The following CYTIP variants were observed in gnomAD, a reference collection of about 807,000 sequenced individuals.
CYTIP encodes cytohesin-interacting protein.
Under a neutral mutation model 43.8 loss-of-function variants are expected in CYTIP, and 26 were observed. The observed-to-expected ratio is 0.59, with a 90% confidence interval of 0.44 to 0.82. The LOEUF is 0.82. CYTIP is among the 40% of genes least tolerant of loss of function. CYTIP has a pLI of 0.00. For synonymous variants in CYTIP, 162 were observed against 162.9 expected (o/e 0.99, Z 0.04); for missense variants, 426 against 443.1 (o/e 0.96, Z 0.35).
Position 157,444,069 on chromosome 2 carries a change from G to A in CYTIP, c.-49C>T. On this transcript the variant is annotated 5_prime_UTR_variant, in exon 1 of 8. Transcript: ENST00000264192. ...AGCACATGGTTGAGTGGCCTTGCAG[G>A]ATGGGGGAAGCTAAAAGTACAACTG... The A allele has an allele frequency of 6.4e-7, 1 of 1,573,792 alleles. No individual in the cohort carries two copies. Among genetic ancestry groups the A allele is most frequent in the Non-Finnish European group, 8.7e-7 (1 of 1,151,362 alleles).
At chr2:157,442,765 A>C (rs891348685) in intron 1 of CYTIP, among the ~76,000 whole-genome samples, 2 of 152,198 alleles carry the variant, frequency 1.3e-5, no homozygotes, top group African/African-American at 4.8e-5. Context: ...GCTATTATAC[A>C]TCACTGAAAA....
At chr2:157,433,037 T>G (rs1190563733) in intron 3 of CYTIP, among the ~76,000 whole-genome samples, 3 of 152,162 alleles carry the variant, frequency 2.0e-5, no homozygotes, top group African/African-American at 7.2e-5. Context: ...TAAGTGTTTA[T>G]GGTATGGGAG....
At chr2:157,439,013 G>A in intron 1 of CYTIP, 1 of 335,192 alleles carries the variant, frequency 3.0e-6, no homozygotes, top group Non-Finnish European at 6.7e-6. Context: ...CAGACCTGAA[G>A]CCTCTATAGA....
intron 1 of CYTIP, among the ~76,000 whole-genome samples, chr2:157,441,601 C>G (rs1685918055): frequency 3.0e-5 from 1 of 33,862 alleles, no homozygotes; most frequent in Non-Finnish European, 5.4e-5. Context: ...TATATATGCA[C>G]ATACACACAC....
intron 6 of CYTIP, among the ~76,000 whole-genome samples, chr2:157,425,733 T>A (rs1381046176): frequency 6.6e-6 from 1 of 152,188 alleles, no homozygotes; most frequent in Non-Finnish European, 1.5e-5. Context: ...GTGAAAAAGT[T>A]AAACTTTTTT....
chr2:157,436,968 G>A (rs1280446595), intron 1 of CYTIP, among the ~76,000 whole-genome samples: 1 of 151,986 alleles, frequency 6.6e-6, no homozygotes, highest in Non-Finnish European at 1.5e-5. Flanking sequence ...TATGTAGCAA[G>A]ATTTAAAAAT....
chr2:157,439,606 T>C (rs1331890428), intron 1 of CYTIP, among the ~76,000 whole-genome samples: 1 of 152,184 alleles, frequency 6.6e-6, no homozygotes, highest in Non-Finnish European at 1.5e-5. Context: ...AAATCATGAA[T>C]GAGGAACTGG....
chr2:157,438,104 C>T (rs1163518343), intron 1 of CYTIP, among the ~76,000 whole-genome samples: 1 of 152,134 alleles, frequency 6.6e-6, no homozygotes, highest in African/African-American at 2.4e-5. Flanking sequence ...TTCACAATAG[C>T]CAAGAGATGG....
At chr2:157,425,028 A>AAT (rs983364977) in intron 6 of CYTIP, among the ~76,000 whole-genome samples, 1 of 152,226 alleles carries the variant, frequency 6.6e-6, no homozygotes, top group South Asian at 2.1e-4. Context: ...CATACCTCAT[A>AAT]ATATATATAA....
Position 157,415,476 on chromosome 2 carries a change from T to A in CYTIP, c.*201A>T, listed in dbSNP as rs1685425013. 1.9e-6 allele frequency: 1 copy of A among 522,244 alleles called. No homozygotes were observed. The highest frequency in any genetic ancestry group is 3.5e-6 in the Non-Finnish European group (1 of 289,762). 32.4% of individuals were successfully genotyped at this position (522,244 alleles called of 1,614,324 possible). ...ATTAACTTATTATTTAGTTTTCCTG[T>A]CTGCTTAGAAATTGGCTGTTTAGGT... On this transcript the variant is annotated 3_prime_UTR_variant, in exon 8 of 8. Coordinates refer to ENST00000264192, the MANE Select transcript of CYTIP (RefSeq NM_004288.5).
rs1685418648 is a variant in CYTIP at position 157,415,042 on chromosome 2, CTT to C, written c.*633_*634del. ...TTGTTTAGACTGTCTATAAAAATGA[CTT>C]TATTATGATCTTTGCAGCACCCATC... is the stretch of plus-strand genomic sequence containing the variant. On this transcript the variant is annotated 3_prime_UTR_variant, in exon 8 of 8. Transcript: ENST00000264192. The C allele has an allele frequency of 6.6e-6, 1 of 152,166 alleles. No homozygotes were observed. The highest frequency in any genetic ancestry group is 2.4e-5 in the African/African-American group (1 of 41,440). 9.4% of individuals were successfully genotyped at this position (152,166 alleles called of 1,614,324 possible). A position where few individuals can be genotyped will look rare whatever the true frequency, so the allele number is the denominator to read the frequency against.
chr2:157,417,006 A>G (rs1270277874), intron 7 of CYTIP, among the ~76,000 whole-genome samples: 1 of 151,898 alleles, frequency 6.6e-6, no homozygotes, highest in Non-Finnish European at 1.5e-5. Flanking sequence ...AGAGAGAGAG[A>G]ACTTGTAATA....
At position 157,443,836 on chromosome 2, in the gene CYTIP, A is replaced by G; in HGVS notation, c.174+11T>C. 1 of 1,613,674 alleles carries G rather than the reference A, an allele frequency of 6.2e-7. No homozygotes were observed. The highest frequency in any genetic ancestry group is 1.1e-5 in the South Asian group (1 of 91,052). ...GTGAACACTCTAAAGGGTACAAAAT[A>G]GCAATCATACCTGCTTTCGTCCCCG... On this transcript the variant is annotated intron_variant, in intron 1 of 7. Coordinates refer to ENST00000264192, the MANE Select transcript of CYTIP (RefSeq NM_004288.5).
At chr2:157,437,894 G>A (rs1685838204) in intron 1 of CYTIP, among the ~76,000 whole-genome samples, 1 of 152,118 alleles carries the variant, frequency 6.6e-6, no homozygotes, top group Non-Finnish European at 1.5e-5. Flanking sequence ...TGAGGATAAG[G>A]AGAAAAGGGA....
rs149677188 is a variant in CYTIP, at chr2:157,416,067, T to C, written c.690A>G (p.Pro230=). 270 of 1,614,072 alleles carry C rather than the reference T, an allele frequency of 1.7e-4. No homozygotes were observed. Among genetic ancestry groups the C allele is most frequent in the Non-Finnish European group, 2.2e-4 (264 of 1,180,038 alleles). ...GATTCCGGTCCACAAGGGCTGGGCC[T>C]GGCCCAGGCAGGGGTCCAAACAAAG... The part of the protein sequence containing the change: ...ELSLFGPLPG[P]GPALVDRNRL... The change falls in exon 8 of 8, where the codon CCA becomes CCG. Residue 230 remains proline (P), a synonymous_variant. Transcript: ENST00000264192.
Position 157,444,087 on chromosome 2 carries a change from T to C in CYTIP, c.-67A>G, listed in dbSNP as rs538344140. ...CTTGCAGGATGGGGGAAGCTAAAAG[T>C]ACAACTGTGACAAGTAATCAAAAGT... On this transcript the variant is annotated 5_prime_UTR_variant, in exon 1 of 8. Coordinates refer to ENST00000264192, the MANE Select transcript of CYTIP (RefSeq NM_004288.5). 17 of 1,501,480 alleles carry C rather than the reference T, an allele frequency of 1.1e-5. No homozygotes were observed. Among genetic ancestry groups the C allele is most frequent in the Admixed American group, 1.8e-5 (1 of 56,418 alleles). The allele number at this position is 1,501,480 out of a possible 1,614,324, so 93.0% of individuals were successfully genotyped here. A position where few individuals can be genotyped will look rare whatever the true frequency, so the allele number is the denominator to read the frequency against.
intron 5 of CYTIP, 129 bp from the exon 6 acceptor site, chr2:157,427,549 G>T (rs940058344): frequency 1.9e-6 from 1 of 539,954 alleles, no homozygotes. Flanking sequence ...AAATACAAAT[G>T]TTACAGTTCT....
At chr2:157,437,329 T>C (rs1057390173) in intron 1 of CYTIP, among the ~76,000 whole-genome samples, 1 of 151,760 alleles carries the variant, frequency 6.6e-6, no homozygotes, top group Non-Finnish European at 1.5e-5. Context: ...ATCCAGAATA[T>C]ATAATGAACT....
intron 7 of CYTIP, among the ~76,000 whole-genome samples, chr2:157,418,313 G>A (rs913574088): frequency 6.6e-6 from 1 of 152,148 alleles, no homozygotes; most frequent in Non-Finnish European, 1.5e-5. Flanking sequence ...GTGCATCTGC[G>A]TCATGATACG....
Sources: allele counts gnomAD v4.1 joint callset (sites outside exome capture counted in the v4.1 genomes callset), GRCh38; gene constraint gnomAD v4.1.1; transcripts MANE v1.5; gene names NCBI Gene and HGNC (gene_info 2026-07-23, HGNC 2026-07-21).